The following CEP72 variants were observed in gnomAD, a reference collection of about 807,000 sequenced individuals.
The protein encoded by CEP72 is centrosomal protein 72.
Under a neutral mutation model 65.7 loss-of-function variants are expected in CEP72, and 78 were observed. That is an observed-to-expected ratio of 1.19 (90% CI 0.99 to 1.43). The LOEUF is 1.43. Among genes scored for constraint, CEP72 ranks in the 40% most tolerant of loss-of-function variants. The pLI, the probability that CEP72 is intolerant of heterozygous loss-of-function variation, is 0.00. For missense variants in CEP72, 914 were observed against 832.9 expected (o/e 1.10, Z -1.20); for synonymous variants, 358 against 351.7 (o/e 1.02, Z -0.20).
At chr5:629,475 G>T (rs1402275049) in intron 4 of CEP72, among the ~76,000 whole-genome samples, 1 of 140,186 alleles carries the variant, frequency 7.1e-6, no homozygotes, top group Non-Finnish European at 1.6e-5. Context: ...AGTCCTGGTG[G>T]GGTTCTGTCC....
At chr5:631,677 G>A (rs1489964761) in intron 4 of CEP72, among the ~76,000 whole-genome samples, 3 of 59,324 alleles carry the variant, frequency 5.1e-5, no homozygotes, top group Non-Finnish European at 1.0e-4. Flanking sequence ...TCCAGTGCCG[G>A]GATTTAGACC....
chr5:640,980 C>T (rs908597672), intron 9 of CEP72: 18 of 985,456 alleles, frequency 1.8e-5, no homozygotes, highest in Middle Eastern at 5.2e-4. Flanking sequence ...AAGGAGATGA[C>T]GGCCAGTGTC....
chr5:634,548 C>T (rs976291050), intron 5 of CEP72, among the ~76,000 whole-genome samples: 2 of 152,238 alleles, frequency 1.3e-5, no homozygotes, highest in African/African-American at 4.8e-5. Flanking sequence ...GTGCTCGAGC[C>T]ATGTCCTTGC....
At chr5:654,180 CTG>C (rs1561069510), downstream of CEP72, among the ~76,000 whole-genome samples, 4 of 138,290 alleles carry the variant, frequency 2.9e-5, no homozygotes, top group South Asian at 2.3e-4. Flanking sequence ...TGCACTTGCT[CTG>C]TGTACTAGCT....
chr5:628,534 C>A (rs111745464), intron 4 of CEP72, among the ~76,000 whole-genome samples: 124 of 105,358 alleles, frequency 1.2e-3, no homozygotes, highest in African/African-American at 2.8e-3. Flanking sequence ...TGTGCAGCTT[C>A]TGGAGAACTC....
rs539794666 is a variant in CEP72 at position 647,920 on chromosome 5, C to G, written c.1778+4C>G. 6.2e-6 allele frequency: 10 copies of G among 1,606,146 alleles called. No homozygotes were observed. The East Asian group carries it at 2.2e-4, about 36-fold the overall frequency. ...AGATGCTGCAGGAGAGCCACAGGTG[C>G]CTGCCCGTGAGACTTGGGTGGGCCC... On this transcript the variant is annotated splice_donor_region_variant and intron_variant, in intron 11 of 11. Coordinates refer to ENST00000264935, the MANE Select transcript of CEP72 (RefSeq NM_018140.4).
At chr5:626,851 C>T (rs1467590904) in intron 4 of CEP72, among the ~76,000 whole-genome samples, 1 of 152,092 alleles carries the variant, frequency 6.6e-6, no homozygotes, top group Non-Finnish European at 1.5e-5. Context: ...ATTGAGCCAG[C>T]CGTGCATACC....
At chr5:664,994 G>C (rs1463599330) in intron 2 of CEP72, 2 of 1,364,508 alleles carry the variant, frequency 1.5e-6, no homozygotes, top group Non-Finnish European at 2.0e-6. Context: ...CCCCTCTGGG[G>C]CACCCGTCTG....
intron 4 of CEP72, among the ~76,000 whole-genome samples, chr5:627,192 T>G (rs765440810): frequency 9.9e-5 from 15 of 152,192 alleles, no homozygotes; most frequent in South Asian, 2.1e-4. Context: ...CTCTACAGTT[T>G]GTCTGTTTTG....
At chr5:619,288 T>TA (rs1736220017) in intron 2 of CEP72, among the ~76,000 whole-genome samples, 171 bp downstream of exon 2, 4 of 152,246 alleles carry the variant, frequency 2.6e-5, no homozygotes, top group Admixed American at 2.6e-4. Flanking sequence ...CACATCACGT[T>TA]ACGTTGTGTT....
chr5:652,423 G>A (rs560932151), intron 11 of CEP72, among the ~76,000 whole-genome samples: 3 of 152,320 alleles, frequency 2.0e-5, no homozygotes, highest in African/African-American at 7.2e-5. Context: ...GTAATGCCCT[G>A]AGTGTCCTCA....
At chr5:651,476 G>T (rs944774057) in intron 11 of CEP72, among the ~76,000 whole-genome samples, 1 of 151,972 alleles carries the variant, frequency 6.6e-6, no homozygotes, top group African/African-American at 2.4e-5. Context: ...GGGCACGGCG[G>T]GGCAACCTGG....
At position 624,690 on chromosome 5, in the gene CEP72, CA is replaced by C. The variant is rs1373110891; in HGVS notation, c.512+112del. ...CCGGTCACTCTCCAGGGGCGGACACCAGGAGGGAGGAAGGGCAGAGCCTGCC... is the reference window on the plus strand; with the variant it reads ...CCGGTCACTCTCCAGGGGCGGACACCGGAGGGAGGAAGGGCAGAGCCTGCC... On this transcript the variant is annotated intron_variant, in intron 4 of 11. Transcript: ENST00000264935. This position sits in a 1 kb window ranked among gnomAD's most constrained non-coding sequence, Gnocchi z 4.7. 2.5e-6 allele frequency: 2 copies of C among 796,782 alleles called. No individual in the cohort carries two copies. The highest frequency in any genetic ancestry group is 4.3e-6 in the Non-Finnish European group (2 of 463,202). The allele number at this position is 796,782 out of a possible 1,614,324, so 49.4% of individuals were successfully genotyped here.
intron 11 of CEP72, among the ~76,000 whole-genome samples, chr5:649,475 T>C (rs1475004849): frequency 8.6e-5 from 4 of 46,666 alleles, no homozygotes; most frequent in South Asian, 9.5e-4. Flanking sequence ...GACTGTGAGG[T>C]GTGACTGTGA....
rs142380863 is a variant in CEP72, at chr5:641,125, G to A, written c.1539+521G>A. ...GCTCCCTCCTTCCGTCTCAGCCGTG[G>A]GCCGGGGCCGCCGTCTCATCTGAGG... On this transcript the variant is annotated intron_variant, in intron 9 of 11. Transcript: ENST00000264935. The A allele has an allele frequency of 1.1e-3, 1,067 of 985,106 alleles. 33 individuals carry two copies. In the Admixed American group the frequency reaches 0.05, roughly 46 times the overall value. 61.0% of individuals were successfully genotyped at this position (985,106 alleles called of 1,614,324 possible).
chr5:624,218 G>A lies in CEP72; in HGVS notation c.404-253G>A, dbSNP rs1194686910. Among the ~76,000 whole-genome samples, 4 of 152,366 alleles carry A rather than the reference G, an allele frequency of 2.6e-5. No homozygotes were observed. In the East Asian group the frequency reaches 5.8e-4, roughly 22 times the overall value. On this transcript the variant is annotated intron_variant, in intron 3 of 11. Transcript: ENST00000264935. The surrounding 1 kb of genome is among the most constrained non-coding windows in gnomAD (Gnocchi z 4.7). ...CTTTAGAGAAAGGGTGTGCGTGTGT[G>A]TGTGTGAGCCTCATCTGTGTGCGGC... is the stretch of plus-strand genomic sequence containing the variant.
At chr5:628,501 T>C (rs867097734) in intron 4 of CEP72, among the ~76,000 whole-genome samples, 179 of 127,348 alleles carry the variant, frequency 1.4e-3, no homozygotes, top group Middle Eastern at 4.9e-3. Context: ...TGGGGAGTGT[T>C]CCCAGGACCC....
chr5:612,669 C>G (rs1206043723), intron 1 of CEP72: 1 of 950,300 alleles, frequency 1.1e-6, no homozygotes, highest in Non-Finnish European at 1.2e-6. Flanking sequence ...GTCCCGGCCC[C>G]TGCCTGTCTA....
downstream of CEP72, among the ~76,000 whole-genome samples, chr5:654,839 C>T (rs1244725425): frequency 8.7e-6 from 1 of 115,164 alleles, no homozygotes; most frequent in Admixed American, 9.9e-5. Flanking sequence ...CTCACTTCTT[C>T]CTCCCTGTCC....
Sources: gnomAD v4.1 joint callset for allele counts (sites outside exome capture counted in the v4.1 genomes callset) on GRCh38, gnomAD v4.1.1 for gene constraint, Gnocchi (gnomAD v3.1) non-coding constraint, MANE v1.5 for transcripts, NCBI Gene and HGNC (gene_info 2026-07-23, HGNC 2026-07-21) for gene names.